Variants in RBFOX1 observed in about 807,000 individuals in gnomAD.
RBFOX1 encodes RNA binding fox-1 homolog 1, also known as RNA binding protein fox-1 homolog 1.
RBFOX1 carries 8 observed loss-of-function variants against 57.7 expected under a neutral mutation model. That is an observed-to-expected ratio of 0.14 (90% CI 0.08 to 0.25). The LOEUF (loss-of-function observed/expected upper bound fraction) is 0.25, where lower values mean the gene tolerates loss of function less well. Among genes scored for constraint, RBFOX1 ranks in the 10% least tolerant of loss-of-function variants. RBFOX1 has a pLI of 1.00. For synonymous variants in RBFOX1, 326 were observed against 222.4 expected (o/e 1.47, Z -4.15); for missense variants, 611 against 548.5 (o/e 1.11, Z -1.14).
intron 2 of RBFOX1, among the ~76,000 whole-genome samples, chr16:6,397,478 G>T (rs528204277): frequency 1.3e-5 from 2 of 152,254 alleles, no homozygotes; most frequent in Non-Finnish European, 2.9e-5. Flanking sequence ...ATAGGAAGAT[G>T]CATTCAGACA....
chr16:5,716,082 A>G (rs1380305822), intron 3 of RBFOX1, among the ~76,000 whole-genome samples: 3 of 152,228 alleles, frequency 2.0e-5, no homozygotes, highest in Admixed American at 6.5e-5. Context: ...TTAATTTAGC[A>G]AGTATTATAC....
chr16:5,500,913 A>G (rs2043171968), intron 2 of RBFOX1, among the ~76,000 whole-genome samples: 1 of 152,198 alleles, frequency 6.6e-6, no homozygotes, highest in Admixed American at 6.5e-5. Flanking sequence ...TCATGTAAGG[A>G]CAAGGAATTA....
At chr16:6,961,008 G>T (rs1035268987) in intron 3 of RBFOX1, among the ~76,000 whole-genome samples, 2 of 151,202 alleles carry the variant, frequency 1.3e-5, no homozygotes, top group Non-Finnish European at 2.9e-5. Context: ...GCTGGGCATG[G>T]TGGCCAGCAA....
intron 3 of RBFOX1, among the ~76,000 whole-genome samples, chr16:5,858,161 C>A (rs8045240): frequency 0.039 from 5,875 of 152,030 alleles, 385 homozygotes; most frequent in African/African-American, 0.13. Context: ...TGCACCTAGC[C>A]GCAGAAAGTA....
At chr16:5,535,011 A>C (rs1306043254) in intron 2 of RBFOX1, among the ~76,000 whole-genome samples, 1 of 152,360 alleles carries the variant, frequency 6.6e-6, no homozygotes, top group East Asian at 1.9e-4. Flanking sequence ...GGGAAATCAC[A>C]ATGAATAAAA....
chr16:5,445,380 T>C (rs1404094326), intron 1 of RBFOX1, among the ~76,000 whole-genome samples: 1 of 152,210 alleles, frequency 6.6e-6, no homozygotes, highest in Non-Finnish European at 1.5e-5. Flanking sequence ...TTTGGCATCT[T>C]TGCTTGACTG....
intron 4 of RBFOX1, among the ~76,000 whole-genome samples, chr16:7,372,905 A>C (rs114568243): frequency 0.013 from 1,981 of 150,966 alleles, 40 homozygotes; most frequent in African/African-American, 0.044. Context: ...TAGTTTTGAA[A>C]TTTATAGGAA....
intron 4 of RBFOX1, among the ~76,000 whole-genome samples, chr16:7,269,143 T>C (rs1046854137): frequency 1.3e-5 from 2 of 150,386 alleles, no homozygotes. Flanking sequence ...ATATGAAATA[T>C]TAAAGATTCT....
chr16:5,267,829 C>T (rs1190319592), intron 1 of RBFOX1, among the ~76,000 whole-genome samples: 1 of 152,144 alleles, frequency 6.6e-6, no homozygotes, highest in South Asian at 2.1e-4. Flanking sequence ...TGCCTGTAAT[C>T]CCAGCACTTT....
At chr16:7,611,879 G>C (rs1402828629) in intron 10 of RBFOX1, among the ~76,000 whole-genome samples, 1 of 152,136 alleles carries the variant, frequency 6.6e-6, no homozygotes, top group African/African-American at 2.4e-5. Flanking sequence ...CCAGTCTTCA[G>C]AGCAGATACA....
At chr16:6,107,806 G>T (rs894292742) in intron 1 of RBFOX1, among the ~76,000 whole-genome samples, 1 of 151,904 alleles carries the variant, frequency 6.6e-6, no homozygotes, top group Admixed American at 6.6e-5. Context: ...GCAATTTCTA[G>T]ATCTTACTGT....
intron 1 of RBFOX1, among the ~76,000 whole-genome samples, chr16:6,276,130 C>A (rs1460158875): frequency 6.6e-6 from 1 of 152,012 alleles, no homozygotes; most frequent in Non-Finnish European, 1.5e-5. Context: ...AAATAAATAC[C>A]TTTTTCTTTT....
chr16:7,104,670 T>C (rs2063269241), intron 4 of RBFOX1, among the ~76,000 whole-genome samples: 1 of 152,188 alleles, frequency 6.6e-6, no homozygotes, highest in African/African-American at 2.4e-5. Flanking sequence ...ACACATGTTT[T>C]CCTGTTGGTT....
At chr16:7,517,318 G>C (rs1367615845) in intron 4 of RBFOX1, among the ~76,000 whole-genome samples, 1 of 151,880 alleles carries the variant, frequency 6.6e-6, no homozygotes, top group African/African-American at 2.4e-5. Context: ...CACACTGCCT[G>C]TTTTGCCTAG....
chr16:6,345,880 A>G (rs12931113), intron 2 of RBFOX1, among the ~76,000 whole-genome samples: 15,955 of 152,248 alleles, frequency 0.1, 1,051 homozygotes, highest in South Asian at 0.18. Flanking sequence ...AACATAAGAC[A>G]TCAATCAATA....
intron 3 of RBFOX1, among the ~76,000 whole-genome samples, chr16:5,762,664 T>A (rs1183779575): frequency 1.3e-5 from 2 of 152,208 alleles, no homozygotes; most frequent in Admixed American, 6.5e-5. Flanking sequence ...TGCTGCATTG[T>A]TTATAATAAT....
intron 2 of RBFOX1, among the ~76,000 whole-genome samples, chr16:6,582,432 T>A (rs1038822092): frequency 6.6e-5 from 10 of 150,794 alleles, no homozygotes; most frequent in African/African-American, 2.4e-4. Context: ...TTATTAATTT[T>A]GTCTTTGTTC....
At chr16:7,298,293 T>TTG (rs1555681345) in intron 4 of RBFOX1, among the ~76,000 whole-genome samples, 5 of 145,962 alleles carry the variant, frequency 3.4e-5, no homozygotes, top group Non-Finnish European at 6.1e-5. Context: ...TTGTTTTTTT[T>TTG]TTTTTTTTTT....
intron 11 of RBFOX1, among the ~76,000 whole-genome samples, chr16:7,634,382 A>ATTCT (rs1305202569): frequency 8.1e-6 from 1 of 123,918 alleles, no homozygotes; most frequent in African/African-American, 3.4e-5. Flanking sequence ...CTGGCCTTTG[A>ATTCT]TGTTTGTTTT....
Sources: gnomAD v4.1 joint callset for allele counts (sites outside exome capture counted in the v4.1 genomes callset) on GRCh38, gnomAD v4.1.1 for gene constraint, MANE v1.5 for transcripts, NCBI Gene and HGNC (gene_info 2026-07-23, HGNC 2026-07-21) for gene names.